Variants in MYO1D observed in about 807,000 individuals in gnomAD.
The protein encoded by MYO1D is myosin ID.
A neutral mutation model predicts 122.0 loss-of-function variants in MYO1D; 83 were observed. That is an observed-to-expected ratio of 0.68 (90% CI 0.57 to 0.82). The LOEUF is 0.82. MYO1D is among the 40% of genes least tolerant of loss of function. MYO1D has a pLI of 0.00. For synonymous variants in MYO1D, 464 were observed against 446.9 expected (o/e 1.04, Z -0.48); for missense variants, 1,157 against 1,269.5 (o/e 0.91, Z 1.35).
chr17:32,619,923 T>C (rs1350121938), intron 20 of MYO1D, among the ~76,000 whole-genome samples: 2 of 152,228 alleles, frequency 1.3e-5, no homozygotes, highest in Non-Finnish European at 2.9e-5. Context: ...ATGAGTGATT[T>C]TGTATTGTAT....
chr17:32,855,802 T>C (rs2091023246), intron 1 of MYO1D, among the ~76,000 whole-genome samples: 1 of 152,208 alleles, frequency 6.6e-6, no homozygotes, highest in Non-Finnish European at 1.5e-5. Context: ...AAACAATACA[T>C]GTTGTGAAAC....
chr17:32,769,160 G>A (rs906565912), intron 6 of MYO1D, among the ~76,000 whole-genome samples: 2 of 152,228 alleles, frequency 1.3e-5, no homozygotes, highest in African/African-American at 4.8e-5. Context: ...GTTTATGGGG[G>A]ATGAGTGGAG....
intron 21 of MYO1D, among the ~76,000 whole-genome samples, chr17:32,537,101 CCT>C (rs1910686146): frequency 6.6e-6 from 1 of 152,134 alleles, no homozygotes; most frequent in African/African-American, 2.4e-5. Context: ...CGGAAGATGA[CCT>C]ATATTAATGA....
intron 15 of MYO1D, among the ~76,000 whole-genome samples, chr17:32,719,534 T>C (rs2089486179): frequency 6.6e-6 from 1 of 152,138 alleles, no homozygotes; most frequent in African/African-American, 2.4e-5. Flanking sequence ...GTATTTTTAG[T>C]AGAGATGGGG....
chr17:32,739,357 G>A (rs369677657), intron 13 of MYO1D, among the ~76,000 whole-genome samples: 1 of 152,046 alleles, frequency 6.6e-6, no homozygotes, highest in South Asian at 2.1e-4. Context: ...CATGGATGAA[G>A]CTGGAAACCA....
At chr17:32,658,846 T>G (rs575300973) in intron 17 of MYO1D, 2 of 452,644 alleles carry the variant, frequency 4.4e-6, no homozygotes, top group Non-Finnish European at 8.0e-6. Flanking sequence ...AACAGCATGC[T>G]AGTAGCTTAT....
intron 4 of MYO1D, among the ~76,000 whole-genome samples, chr17:32,773,803 A>G (rs2090147125): frequency 6.6e-6 from 1 of 152,102 alleles, no homozygotes; most frequent in Non-Finnish European, 1.5e-5. Flanking sequence ...AGGTCTAGAC[A>G]ATTATTGTCG....
rs551279928 is a variant in MYO1D at position 32,513,399 on chromosome 17, A to G, written c.2865-18484T>C. ...AAGAGGGAGACTCTACCATGTCTTC[A>G]GGTTTTGAGCTCATGTGATGGAGAA... On this transcript the variant is annotated intron_variant, in intron 21 of 21. Transcript: ENST00000318217. 2.0e-5 allele frequency among the ~76,000 whole-genome samples: 3 copies of G among 152,326 alleles called. 1 individual carries two copies. Among genetic ancestry groups the G allele is most frequent in the African/African-American group, 7.2e-5 (3 of 41,570 alleles).
intron 16 of MYO1D, among the ~76,000 whole-genome samples, chr17:32,695,263 T>C (rs919999069): frequency 2.2e-4 from 33 of 152,222 alleles, no homozygotes; most frequent in African/African-American, 6.8e-4. Context: ...CAGTTCACCA[T>C]AGGCTTCATG....
chr17:32,842,828 C>A (rs997007315), intron 1 of MYO1D, among the ~76,000 whole-genome samples: 4 of 151,958 alleles, frequency 2.6e-5, no homozygotes, highest in Admixed American at 1.3e-4. Context: ...TCTTTCAATA[C>A]ACAAGTTTTT....
intron 1 of MYO1D, among the ~76,000 whole-genome samples, chr17:32,832,798 T>C (rs902128398): frequency 6.6e-6 from 1 of 152,240 alleles, no homozygotes; most frequent in Non-Finnish European, 1.5e-5. Flanking sequence ...ATAGAAGTTA[T>C]ATATGATTTA....
At chr17:32,772,883 C>T (rs528326978) in intron 4 of MYO1D, 41 bp from the exon 5 acceptor site, 3 of 1,554,186 alleles carry the variant, frequency 1.9e-6, no homozygotes, top group Admixed American at 1.7e-5. Flanking sequence ...CGAAAATGTG[C>T]CCCTAAAATA....
Position 32,750,028 on chromosome 17 carries a change from G to A in MYO1D, c.1468-1022C>T, listed in dbSNP as rs376116158. 2.4e-4 allele frequency among the ~76,000 whole-genome samples: 37 copies of A among 152,296 alleles called. No individual in the cohort carries two copies. In the South Asian group the frequency reaches 6.8e-3, roughly 28 times the overall value. On this transcript the variant is annotated intron_variant, in intron 11 of 21. Coordinates refer to ENST00000318217, the MANE Select transcript of MYO1D (RefSeq NM_015194.3). Reference sequence around the variant, plus strand: ...ACCCCTGGAAAGGACTCCTGGAATCGAATGTAACATCTGTGCTCTCTTATG... The same window carrying A: ...ACCCCTGGAAAGGACTCCTGGAATCAAATGTAACATCTGTGCTCTCTTATG...
intron 21 of MYO1D, among the ~76,000 whole-genome samples, chr17:32,512,108 C>T (rs186052313): frequency 1.1e-4 from 17 of 152,092 alleles, no homozygotes; most frequent in African/African-American, 1.9e-4. Flanking sequence ...CGAGACCAGA[C>T]GGACCAACAT....
chr17:32,538,631 T>C (rs1567881724), intron 21 of MYO1D, among the ~76,000 whole-genome samples: 2 of 151,884 alleles, frequency 1.3e-5, no homozygotes, highest in Non-Finnish European at 2.9e-5. Context: ...CAAAGGTCAA[T>C]AGATGATGTC....
intron 17 of MYO1D, among the ~76,000 whole-genome samples, chr17:32,655,998 A>G (rs1341302814): frequency 6.6e-6 from 1 of 152,208 alleles, no homozygotes; most frequent in African/African-American, 2.4e-5. Context: ...GATGACTCCA[A>G]AATTTTTTGG....
intron 16 of MYO1D, among the ~76,000 whole-genome samples, chr17:32,687,330 G>C (rs2150971381): frequency 6.6e-6 from 1 of 152,020 alleles, no homozygotes; most frequent in East Asian, 1.9e-4. Flanking sequence ...CCAAGTAGCT[G>C]GGACTCCAGG....
intron 16 of MYO1D, chr17:32,686,135 A>G (rs1395685070): frequency 6.6e-6 from 1 of 152,362 alleles, no homozygotes; most frequent in South Asian, 2.1e-4. Context: ...CACACAAAAA[A>G]ACAAAAACAA....
intron 1 of MYO1D, among the ~76,000 whole-genome samples, chr17:32,837,730 A>G (rs2090841454): frequency 6.6e-6 from 1 of 151,692 alleles, no homozygotes; most frequent in South Asian, 2.1e-4. Context: ...CATAATACCA[A>G]CTCACCATGT....
Sources: gnomAD v4.1 joint callset for allele counts (sites outside exome capture counted in the v4.1 genomes callset) on GRCh38, gnomAD v4.1.1 for gene constraint, MANE v1.5 for transcripts, NCBI Gene and HGNC (gene_info 2026-07-23, HGNC 2026-07-21) for gene names.